PTGFRN: variants seen among roughly 807,000 people sequenced by gnomAD.
PTGFRN encodes prostaglandin F2 receptor inhibitor, also known as prostaglandin F2 receptor negative regulator.
A neutral mutation model predicts 83.2 loss-of-function variants in PTGFRN; 35 were observed. The observed-to-expected ratio is 0.42, with a 90% confidence interval of 0.32 to 0.56. PTGFRN has a LOEUF of 0.56. PTGFRN is among the 20% of genes least tolerant of loss of function. The pLI is 0.11. For synonymous variants in PTGFRN, 519 were observed against 498.6 expected (o/e 1.04, Z -0.55); for missense variants, 1,051 against 1,179.5 (o/e 0.89, Z 1.60).
chr1:116,946,602 A>G (rs1417581129), intron 3 of PTGFRN, among the ~76,000 whole-genome samples: 1 of 152,236 alleles, frequency 6.6e-6, no homozygotes, highest in Non-Finnish European at 1.5e-5. Flanking sequence ...TATCTAGCTA[A>G]GAGACTTGAA....
rs1650512218 is a variant in PTGFRN, at chr1:116,956,885, G to A, written c.1214-4358G>A. ...CAAATATTCATAAAGTGTCTACTCT[G>A]CATCAGGCCTGAGAACAAAGAAATG... is the stretch of plus-strand genomic sequence containing the variant. On this transcript the variant is annotated intron_variant, in intron 4 of 8. Transcript: ENST00000393203. Among the ~76,000 whole-genome samples the A allele has an allele frequency of 2.0e-5, 3 of 152,138 alleles. No homozygotes were observed. In the South Asian group the frequency reaches 6.2e-4, roughly 31 times the overall value.
intron 4 of PTGFRN, among the ~76,000 whole-genome samples, chr1:116,953,298 T>G (rs1171578114): frequency 6.6e-6 from 1 of 152,216 alleles, no homozygotes; most frequent in Non-Finnish European, 1.5e-5. Flanking sequence ...GTAGAAACTT[T>G]AGAGTTCTGG....
chr1:116,959,379 A>AT (rs1364585476), intron 4 of PTGFRN, among the ~76,000 whole-genome samples: 4 of 152,244 alleles, frequency 2.6e-5, no homozygotes, highest in Admixed American at 1.3e-4. Flanking sequence ...GGCACAAGCA[A>AT]TTAAATACTT....
chr1:116,953,472 C>T (rs766835705), intron 4 of PTGFRN, among the ~76,000 whole-genome samples: 3 of 151,830 alleles, frequency 2.0e-5, no homozygotes, highest in Admixed American at 1.3e-4. Flanking sequence ...TCGGGTGTGT[C>T]GATGAACATT....
intron 7 of PTGFRN, among the ~76,000 whole-genome samples, chr1:116,984,167 A>G (rs1472020706): frequency 6.6e-6 from 1 of 152,152 alleles, no homozygotes; most frequent in African/African-American, 2.4e-5. Flanking sequence ...ACTGTTTACA[A>G]CTCTAAATTT....
Position 116,949,508 on chromosome 1 carries a change from C to T in PTGFRN, c.1149C>T (p.Asn383=). The T allele has an allele frequency of 6.2e-7, 1 of 1,614,196 alleles. No homozygotes were observed. The highest frequency in any genetic ancestry group is 8.5e-7 in the Non-Finnish European group (1 of 1,180,042). ...CHVSLWAPGH[N]RSWHKVAEAV... is the part of the protein sequence containing the mutation. Reference sequence around the variant, plus strand: ...TGTCCCTGTGGGCACCCGGACACAACAGGAGCTGGCACAAAGTGGCAGAGG... The same window carrying T: ...TGTCCCTGTGGGCACCCGGACACAATAGGAGCTGGCACAAAGTGGCAGAGG... Residue 383 remains asparagine (N), a synonymous_variant, in exon 4 of 9, where the codon AAC becomes AAT. Transcript: ENST00000393203.
intron 6 of PTGFRN, 70 bp downstream of exon 6, chr1:116,967,400 C>A: frequency 6.8e-7 from 1 of 1,463,076 alleles, no homozygotes; most frequent in Non-Finnish European, 9.2e-7. Context: ...CAGATGCCCT[C>A]ATTTTTTAAA....
In PTGFRN at chr1:116,948,366, C is replaced by G. The variant is rs149083576; in HGVS notation, c.833-826C>G. Among the ~76,000 whole-genome samples, 165 of 152,330 alleles carry G rather than the reference C, an allele frequency of 1.1e-3. 2 individuals are homozygous for G. Among genetic ancestry groups the G allele is most frequent in the African/African-American group, 3.8e-3 (160 of 41,578 alleles). ...CAGTGCTTCATCTAAATATAGTCTA[C>G]TTTTAATTATCCACACTAATGAGAA... On this transcript the variant is annotated intron_variant, in intron 3 of 8. Coordinates refer to ENST00000393203, the MANE Select transcript of PTGFRN (RefSeq NM_020440.4).
intron 7 of PTGFRN, among the ~76,000 whole-genome samples, chr1:116,977,237 C>T (rs1651183366): frequency 6.6e-6 from 1 of 152,142 alleles, no homozygotes; most frequent in Non-Finnish European, 1.5e-5. Flanking sequence ...TCCTTAGAGA[C>T]CTACAAACAG....
In PTGFRN at chr1:116,937,692, A is replaced by G. The variant is rs1329834528; in HGVS notation, c.50-4023A>G. Among the ~76,000 whole-genome samples, 6 of 152,162 alleles carry G rather than the reference A, an allele frequency of 3.9e-5. 1 individual carries two copies. Among genetic ancestry groups the G allele is most frequent in the Admixed American group, 3.9e-4 (6 of 15,280 alleles). Reference sequence around the variant, plus strand: ...AGGATGCAGTCTCATGCTTGTGGGTAGGTTGTCCACCCTGGCCAGCTTCTT... The same window carrying G: ...AGGATGCAGTCTCATGCTTGTGGGTGGGTTGTCCACCCTGGCCAGCTTCTT... On this transcript the variant is annotated intron_variant, in intron 1 of 8. Coordinates refer to ENST00000393203, the MANE Select transcript of PTGFRN (RefSeq NM_020440.4).
At chr1:116,974,394 GT>G in intron 7 of PTGFRN, 71 bp downstream of exon 7, 1 of 1,199,260 alleles carries the variant, frequency 8.3e-7, no homozygotes, top group Non-Finnish European at 1.2e-6. Flanking sequence ...TCCGCACTGT[GT>G]TACACAGATG....
Position 116,944,740 on chromosome 1 carries a change from G to C in PTGFRN, c.480G>C (p.Arg160=). 6.7e-7 allele frequency: 1 copy of C among 1,482,114 alleles called. No individual in the cohort carries two copies. The highest frequency in any genetic ancestry group is 8.9e-7 in the Non-Finnish European group (1 of 1,123,968). The allele number at this position is 1,482,114 out of a possible 1,614,324, so 91.8% of individuals were successfully genotyped here. Residue 160 remains arginine (R), a synonymous_variant, in exon 3 of 9, where the codon CGG becomes CGC. Transcript: ENST00000393203. ...SARPPPSLSL[R]EGEPFELRCT... ...GGCCCCCGCCGAGCCTGAGCCTGCG[G>C]GAGGGGGAGCCCTTCGAGCTGCGCT...
At chr1:116,973,900 G>T (rs1651070314) in intron 6 of PTGFRN, among the ~76,000 whole-genome samples, 1 of 152,190 alleles carries the variant, frequency 6.6e-6, no homozygotes, top group African/African-American at 2.4e-5. Flanking sequence ...ACTAGAACCA[G>T]CCCAGGCTGT....
chr1:116,939,432 C>T (rs1043762928), intron 1 of PTGFRN, among the ~76,000 whole-genome samples: 64 of 152,384 alleles, frequency 4.2e-4, no homozygotes, highest in African/African-American at 1.4e-3. Context: ...GGCTTGCACC[C>T]TCTGAAGCTA....
At chr1:116,924,118 A>G (rs1055269016) in intron 1 of PTGFRN, among the ~76,000 whole-genome samples, 1 of 147,812 alleles carries the variant, frequency 6.8e-6, no homozygotes, top group African/African-American at 2.5e-5. Flanking sequence ...ATCACTACCT[A>G]TGTCTCGTCT....
chr1:116,916,892 A>C (rs1649418545), intron 1 of PTGFRN, among the ~76,000 whole-genome samples: 1 of 152,190 alleles, frequency 6.6e-6, no homozygotes, highest in South Asian at 2.1e-4. Flanking sequence ...GACAAAATGC[A>C]CTAGATGTCA....
At chr1:116,942,902 A>T (rs981839979) in intron 2 of PTGFRN, among the ~76,000 whole-genome samples, 3 of 152,278 alleles carry the variant, frequency 2.0e-5, no homozygotes, top group Non-Finnish European at 4.4e-5. Context: ...ATGGAAGAGC[A>T]TAGGTTAATT....
chr1:116,948,530 A>G (rs940704204), intron 3 of PTGFRN, among the ~76,000 whole-genome samples: 11 of 152,188 alleles, frequency 7.2e-5, no homozygotes, highest in Non-Finnish European at 1.5e-5. Context: ...ACTCAAGGAA[A>G]ATTGTCTGGT....
chr1:116,967,229 A>AC lies in PTGFRN; in HGVS notation c.1960dup (p.Arg654ProfsTer27), dbSNP rs775457708. 1 of 1,614,172 alleles carries AC rather than the reference A, an allele frequency of 6.2e-7. No individual in the cohort carries two copies. Among genetic ancestry groups the AC allele is most frequent in the South Asian group, 1.1e-5 (1 of 91,080 alleles). On this transcript the variant is annotated frameshift_variant, in exon 6 of 9. Coordinates refer to ENST00000393203, the MANE Select transcript of PTGFRN (RefSeq NM_020440.4). LOFTEE classifies it high-confidence loss of function. ...ACTCAGGTCTCAGACGCAGGGCTGT[A>AC]CCGCTGCATGGTGACAGCCTGGTCT...
Sources: allele counts gnomAD v4.1 joint callset (sites outside exome capture counted in the v4.1 genomes callset), GRCh38; gene constraint gnomAD v4.1.1; transcripts MANE v1.5; gene names NCBI Gene and HGNC (gene_info 2026-07-23, HGNC 2026-07-21).